The following NKIRAS1 variants were observed in gnomAD, a reference collection of about 807,000 sequenced individuals.
NKIRAS1 encodes the protein NF-kappa-B inhibitor-interacting Ras-like protein 1.
In NKIRAS1, 16 loss-of-function variants were observed where a neutral mutation model predicts 19.8. The observed-to-expected ratio is 0.81, with a 90% CI of 0.55 to 1.23. The LOEUF is 1.23. NKIRAS1 is among the 50% of genes most tolerant of loss of function. The pLI is 0.00. For missense variants in NKIRAS1, 184 were observed against 220.0 expected, an observed-to-expected ratio of 0.84 and a Z score of 1.04; for synonymous variants, 88 against 79.0, an observed-to-expected ratio of 1.11 and a Z score of -0.61.
rs1386548223 is a variant in NKIRAS1 at position 23,927,514 on chromosome 3, A to C, written c.-139-16064T>G. The stretch of plus-strand genomic sequence containing the variant: ...CTGAAATCCTGGCAAACGGCAACTC[A>C]CTCCTCCAAAACTGATGAAAGCATT... On this transcript the variant is annotated intron_variant, in intron 1 of 4. Coordinates refer to the NKIRAS1 transcript ENST00000421515. This position sits in a 1 kb window ranked among gnomAD's most constrained non-coding sequence, Gnocchi z 4.0. 6.6e-6 allele frequency among the ~76,000 whole-genome samples: 1 copy of C among 152,138 alleles called. No individual in the cohort carries two copies. The highest frequency in any genetic ancestry group is 1.5e-5 in the Non-Finnish European group (1 of 68,038).
intron 3 of NKIRAS1, among the ~76,000 whole-genome samples, chr3:23,905,589 G>A (rs1431632026): frequency 6.6e-6 from 1 of 152,094 alleles, no homozygotes. Flanking sequence ...AAACTAATAT[G>A]TAATCATAGA....
chr3:23,905,124 T>C (rs1354647534), intron 3 of NKIRAS1, among the ~76,000 whole-genome samples: 2 of 152,210 alleles, frequency 1.3e-5, no homozygotes, highest in South Asian at 2.1e-4. Context: ...CCACCATGCC[T>C]GGCCTGATGT....
chr3:23,900,785 G>C, intron 4 of NKIRAS1, 23 bp downstream of exon 4: 1 of 1,594,568 alleles, frequency 6.3e-7, no homozygotes. Context: ...TTCACATTTG[G>C]CATTTTTAAC....
Position 23,893,531 on chromosome 3 carries a change from G to A in NKIRAS1, c.337-194C>T, listed in dbSNP as rs118081240. 3.2e-3 allele frequency among the ~76,000 whole-genome samples: 481 copies of A among 152,246 alleles called. 6 individuals are homozygous for A. Among genetic ancestry groups the A allele is most frequent in the East Asian group, 0.015 (77 of 5,164 alleles). On this transcript the variant is annotated intron_variant, in intron 4 of 4. Coordinates refer to ENST00000425478, the MANE Select transcript of NKIRAS1 (RefSeq NM_020345.4). ...GTTAAAAATGGAGATGCTCGGCCGG[G>A]CGTGCTGGCTCATGCCTATATTCCC...
chr3:23,918,594 G>A, upstream of NKIRAS1: 1 of 1,611,762 alleles, frequency 6.2e-7, no homozygotes, highest in Non-Finnish European at 8.5e-7. Context: ...GTTTTGAGTA[G>A]CAGTTATATT....
At chr3:23,905,897 G>A (rs1702995573) in intron 3 of NKIRAS1, among the ~76,000 whole-genome samples, 1 of 152,058 alleles carries the variant, frequency 6.6e-6, no homozygotes, top group South Asian at 2.1e-4. Flanking sequence ...AGTGGCTCAT[G>A]CCTATAATCC....
rs929936549 is a variant in NKIRAS1, at chr3:23,922,226, T to C, written c.-139-10776A>G. 3 of 152,230 alleles carry C rather than the reference T, an allele frequency of 2.0e-5. No homozygotes were observed. Among genetic ancestry groups the C allele is most frequent in the African/African-American group, 4.8e-5 (2 of 41,438 alleles). The allele number at this position is 152,230 out of a possible 1,614,324, so 9.4% of individuals were successfully genotyped here. A position where few individuals can be genotyped will look rare whatever the true frequency, so the allele number is the denominator to read the frequency against. The stretch of plus-strand genomic sequence containing the variant: ...ACCACTGCACTCCCATCTTGGGTGA[T>C]AGAGCCAGAACTTGTCTCAAAAATA... On this transcript the variant is annotated intron_variant, in intron 1 of 4. Coordinates refer to the NKIRAS1 transcript ENST00000421515. The surrounding 1 kb of genome is among the most constrained non-coding windows in gnomAD (Gnocchi z 4.2).
rs1312689768 is a variant in NKIRAS1, at chr3:23,892,075, A to G, written c.*1020T>C. On this transcript the variant is annotated 3_prime_UTR_variant, in exon 5 of 5. Transcript: ENST00000425478. The stretch of plus-strand genomic sequence containing the variant: ...AAAGTATTCCATTTAAGATGTTACA[A>G]ATTACTTGATGTTTTAATATGTTCT... 2 of 152,340 alleles carry G rather than the reference A, an allele frequency of 1.3e-5. No homozygotes were observed. Among genetic ancestry groups the G allele is most frequent in the Non-Finnish European group, 1.5e-5 (1 of 68,028 alleles). The allele number at this position is 152,340 out of a possible 1,614,324, so 9.4% of individuals were successfully genotyped here.
chr3:23,935,132 T>C (rs1705371470), intron 1 of NKIRAS1, among the ~76,000 whole-genome samples: 1 of 152,058 alleles, frequency 6.6e-6, no homozygotes, highest in African/African-American at 2.4e-5. Flanking sequence ...TGGATCCTCC[T>C]GCCTCGTGAG....
intron 1 of NKIRAS1, among the ~76,000 whole-genome samples, chr3:23,915,570 T>C (rs1051672726): frequency 3.9e-5 from 6 of 152,246 alleles, no homozygotes; most frequent in African/African-American, 1.4e-4. Flanking sequence ...CCGAGTTATC[T>C]TTTTAAAATG....
At chr3:23,944,657 G>C (rs943638090) in intron 1 of NKIRAS1, among the ~76,000 whole-genome samples, 1 of 152,188 alleles carries the variant, frequency 6.6e-6, no homozygotes, top group African/African-American at 2.4e-5. Context: ...ACGGGCTGCT[G>C]GATGTAGGAA....
chr3:23,902,958 G>C (rs1478310815), intron 3 of NKIRAS1, among the ~76,000 whole-genome samples: 1 of 152,202 alleles, frequency 6.6e-6, no homozygotes, highest in African/African-American at 2.4e-5. Flanking sequence ...TCCCCATCCA[G>C]GGGAATCTGG....
chr3:23,902,236 T>C (rs545532711), intron 3 of NKIRAS1, among the ~76,000 whole-genome samples: 2 of 152,290 alleles, frequency 1.3e-5, no homozygotes, highest in East Asian at 3.9e-4. Flanking sequence ...GAATGATTTG[T>C]TCCAGATGCC....
intron 1 of NKIRAS1, among the ~76,000 whole-genome samples, chr3:23,934,378 G>A (rs1050883665): frequency 2.0e-5 from 3 of 152,190 alleles, no homozygotes; most frequent in Non-Finnish European, 4.4e-5. Context: ...ACACATTTTA[G>A]GCAGCTGTGG....
chr3:23,895,682 G>A (rs568312969), intron 4 of NKIRAS1, among the ~76,000 whole-genome samples: 9 of 152,204 alleles, frequency 5.9e-5, no homozygotes, highest in Admixed American at 2.0e-4. Flanking sequence ...GATCTCAAAT[G>A]AACTGATGTT....
At chr3:23,919,104 G>A (rs1244824255), upstream of NKIRAS1, 1 of 825,090 alleles carries the variant, frequency 1.2e-6, no homozygotes, top group Non-Finnish European at 2.0e-6. Flanking sequence ...CTCTTGTCTG[G>A]TGGTGAACTA....
At chr3:23,895,291 C>T (rs534208652) in intron 4 of NKIRAS1, among the ~76,000 whole-genome samples, 20 of 152,130 alleles carry the variant, frequency 1.3e-4, no homozygotes, top group South Asian at 6.2e-4. Flanking sequence ...GGATTACAGG[C>T]GTGAACTACC....
intron 3 of NKIRAS1, among the ~76,000 whole-genome samples, chr3:23,906,629 ATT>A (rs994401278): frequency 2.5e-4 from 37 of 149,500 alleles, no homozygotes; most frequent in African/African-American, 9.1e-4. Context: ...TAGTAAATAT[ATT>A]TTTTCTTCCT....
At chr3:23,918,894 T>C, upstream of NKIRAS1, 1 of 519,186 alleles carries the variant, frequency 1.9e-6, no homozygotes, top group South Asian at 2.9e-5. Context: ...CTCTCAGTTG[T>C]ATGGAAAAAG....
Sources: gnomAD v4.1 joint callset for allele counts (sites outside exome capture counted in the v4.1 genomes callset) on GRCh38, gnomAD v4.1.1 for gene constraint, Gnocchi (gnomAD v3.1) non-coding constraint, MANE v1.5 for transcripts, NCBI Gene and HGNC (gene_info 2026-07-23, HGNC 2026-07-21) for gene names.